The following ANKS1B variants were observed in gnomAD, a reference collection of about 807,000 sequenced individuals.
The protein encoded by ANKS1B is ankyrin repeat and sterile alpha motif domain-containing protein 1B.
A neutral mutation model predicts 148.3 loss-of-function variants in ANKS1B; 36 were observed. That is an observed-to-expected ratio of 0.24 (90% confidence interval 0.19 to 0.32). ANKS1B has a LOEUF of 0.32. Ranked by LOEUF, ANKS1B falls within the 10% of genes least tolerant of loss-of-function variation. The probability of loss-of-function intolerance (pLI) is 1.00; values close to 1 mark genes in which losing one functional copy is unlikely to be tolerated. For missense variants in ANKS1B, 1,157 were observed against 1,542.6 expected, an observed-to-expected ratio of 0.75 and a Z score of 4.19; for synonymous variants, 542 against 560.8, an observed-to-expected ratio of 0.97 and a Z score of 0.47.
intron 1 of ANKS1B, among the ~76,000 whole-genome samples, chr12:99,906,919 C>T (rs2093804394): frequency 6.6e-6 from 1 of 152,044 alleles, no homozygotes; most frequent in Non-Finnish European, 1.5e-5. Context: ...AACAAATAAC[C>T]ACAAGAGAAT....
intron 17 of ANKS1B, among the ~76,000 whole-genome samples, chr12:98,906,894 T>C (rs1356399348): frequency 6.6e-6 from 1 of 152,218 alleles, no homozygotes; most frequent in African/African-American, 2.4e-5. Context: ...GCAAAACATG[T>C]ACACCTGTAT....
chr12:99,165,653 A>G (rs1315125083), intron 14 of ANKS1B, among the ~76,000 whole-genome samples: 1 of 151,824 alleles, frequency 6.6e-6, no homozygotes, highest in Non-Finnish European at 1.5e-5. Flanking sequence ...AAAACAAAAC[A>G]AAACTCCAGG....
At chr12:99,124,735 G>A (rs1443552467) in intron 15 of ANKS1B, among the ~76,000 whole-genome samples, 1 of 152,102 alleles carries the variant, frequency 6.6e-6, no homozygotes, top group Non-Finnish European at 1.5e-5. Context: ...TAGGGGAGGG[G>A]CATCCAAAAG....
At chr12:99,692,917 C>T (rs1329048152) in intron 8 of ANKS1B, among the ~76,000 whole-genome samples, 1 of 152,090 alleles carries the variant, frequency 6.6e-6, no homozygotes, top group Non-Finnish European at 1.5e-5. Flanking sequence ...AAACTGCAGG[C>T]ACAATTCAGA....
intron 14 of ANKS1B, among the ~76,000 whole-genome samples, chr12:99,165,749 G>A (rs664481): frequency 0.84 from 127,221 of 151,852 alleles, 53,761 homozygotes; most frequent in East Asian, 1. Flanking sequence ...AGAAAGTTGA[G>A]GAGAGAGAAT....
At chr12:99,709,164 A>T (rs1336858321) in intron 8 of ANKS1B, among the ~76,000 whole-genome samples, 12 of 152,162 alleles carry the variant, frequency 7.9e-5, no homozygotes, top group Admixed American at 7.9e-4. Context: ...ACATGCACAC[A>T]TAAGCACACG....
intron 12 of ANKS1B, among the ~76,000 whole-genome samples, chr12:99,367,302 T>A (rs12321908): frequency 0.14 from 20,718 of 152,144 alleles, 1,545 homozygotes; most frequent in African/African-American, 0.18. Flanking sequence ...CCTGAGCACC[T>A]AAAAGATTGC....
Position 99,963,865 on chromosome 12 carries a change from T to C in ANKS1B, c.134+20239A>G, listed in dbSNP as rs142509786. On this transcript the variant is annotated intron_variant, in intron 1 of 26. Transcript: ENST00000683438. ...TTTAAAAATCATAGTGGGAATATCA[T>C]ATAACAAGAAAAACCTACTTGCTGG... 8.4e-3 allele frequency among the ~76,000 whole-genome samples: 1,279 copies of C among 152,316 alleles called. 22 individuals are homozygous for C. The highest frequency in any genetic ancestry group is 0.029 in the African/African-American group (1,215 of 41,558).
rs752038604 is a variant in ANKS1B, at chr12:99,883,616, C to A, written c.135-58227G>T. ...GAAAAGACAAGGCATAGACTTGGGG[C>A]AGGGGGGAATCTGCAAATCGGCCGG... On this transcript the variant is annotated intron_variant, in intron 1 of 26. Coordinates refer to ENST00000683438, the MANE Select transcript of ANKS1B (RefSeq NM_001352186.2). 3.4e-5 allele frequency among the ~76,000 whole-genome samples: 3 copies of A among 87,550 alleles called. No homozygotes were observed. The East Asian group carries it at 6.6e-4, about 19-fold the overall frequency. The allele number at this position is 87,550 out of a possible 152,430, so 57.4% of individuals were successfully genotyped here.
At chr12:99,400,249 T>TA (rs2094367179) in intron 11 of ANKS1B, among the ~76,000 whole-genome samples, 1 of 113,782 alleles carries the variant, frequency 8.8e-6, no homozygotes, top group African/African-American at 3.7e-5. Context: ...TCCATTTTTT[T>TA]ATTCTTTAAA....
intron 8 of ANKS1B, among the ~76,000 whole-genome samples, chr12:99,721,181 T>G (rs1182206756): frequency 1.3e-5 from 2 of 152,146 alleles, no homozygotes; most frequent in Non-Finnish European, 2.9e-5. Flanking sequence ...TCTCCCACTC[T>G]AGGTTCCCAC....
chr12:98,956,717 GT>G (rs2153106199), intron 17 of ANKS1B, among the ~76,000 whole-genome samples: 1 of 152,210 alleles, frequency 6.6e-6, no homozygotes, highest in Non-Finnish European at 1.5e-5. Flanking sequence ...AATAAACCTG[GT>G]TGTCTTCCTT....
intron 10 of ANKS1B, among the ~76,000 whole-genome samples, chr12:99,467,440 G>A (rs543177672): frequency 1.5e-3 from 234 of 152,260 alleles, no homozygotes; most frequent in African/African-American, 5.1e-3. Context: ...TCTGGCCAGG[G>A]CAATTAGGCA....
At chr12:99,082,747 C>T (rs77924832) in intron 16 of ANKS1B, among the ~76,000 whole-genome samples, 1,802 of 152,068 alleles carry the variant, frequency 0.012, 19 homozygotes, top group Middle Eastern at 0.017. Flanking sequence ...TGGTAAGGAG[C>T]GGTTCCATTT....
intron 1 of ANKS1B, among the ~76,000 whole-genome samples, chr12:99,950,113 ATTT>A (rs35287842): frequency 0.073 from 6,585 of 90,410 alleles, 218 homozygotes; most frequent in South Asian, 0.079. Context: ...TGCTCAGTTA[ATTT>A]TTTTTTTTTT....
rs116989625 is a variant in ANKS1B at position 99,712,187 on chromosome 12, A to G, written c.1129-56977T>C. Among the ~76,000 whole-genome samples, 281 of 152,288 alleles carry G rather than the reference A, an allele frequency of 1.8e-3. 10 individuals carry two copies. In the East Asian group the frequency reaches 0.048, roughly 26 times the overall value. The stretch of plus-strand genomic sequence containing the variant: ...CAGAGGGGAACAACATATTATTTTT[A>G]TCTTTACTTGAAAAGTATGTCTTGA... On this transcript the variant is annotated intron_variant, in intron 8 of 26. Transcript: ENST00000683438.
chr12:99,428,650 G>A (rs1389277917), intron 11 of ANKS1B, among the ~76,000 whole-genome samples: 2 of 152,008 alleles, frequency 1.3e-5, no homozygotes, highest in South Asian at 2.1e-4. Context: ...CCAGACCCAC[G>A]TGCATACGTA....
chr12:99,009,588 G>T (rs940616472), intron 17 of ANKS1B, among the ~76,000 whole-genome samples: 1 of 152,144 alleles, frequency 6.6e-6, no homozygotes, highest in South Asian at 2.1e-4. Context: ...ATCTCCTGTG[G>T]TCAGGGGCTA....
At chr12:99,085,401 C>T (rs183350045) in intron 15 of ANKS1B, among the ~76,000 whole-genome samples, 1 of 151,476 alleles carries the variant, frequency 6.6e-6, no homozygotes, top group East Asian at 1.9e-4. Context: ...AACTTTGTTT[C>T]TGTAAAAATG....
Sources: gnomAD v4.1 joint callset for allele counts (sites outside exome capture counted in the v4.1 genomes callset) on GRCh38, gnomAD v4.1.1 for gene constraint, MANE v1.5 for transcripts, NCBI Gene and HGNC (gene_info 2026-07-23, HGNC 2026-07-21) for gene names.